The following NUMB variants were observed in gnomAD, a reference collection of about 807,000 sequenced individuals.
NUMB encodes protein numb homolog.
In NUMB, 29 loss-of-function variants were observed where a neutral mutation model predicts 59.7. The observed-to-expected ratio is 0.49, with a 90% confidence interval of 0.36 to 0.66. The LOEUF (loss-of-function observed/expected upper bound fraction) is 0.66, where lower values mean the gene tolerates loss of function less well. NUMB is among the 30% of genes least tolerant of loss of function. The pLI is 0.00. For missense variants in NUMB, 723 were observed against 822.0 expected (o/e 0.88, Z 1.47); for synonymous variants, 288 against 288.2 (o/e 1.00, Z 0.01).
At chr14:73,424,131 A>C (rs549104693) in intron 1 of NUMB, among the ~76,000 whole-genome samples, 14 of 152,160 alleles carry the variant, frequency 9.2e-5, no homozygotes, top group South Asian at 2.1e-4. Flanking sequence ...CTCTCTCTCT[A>C]TATATAGAAT....
In NUMB at chr14:73,336,723, T is replaced by C. The variant is rs571105992; in HGVS notation, c.127-13519A>G. ...AATACAAAATTTCACAAGGGCATTA[T>C]TACAAGAAAGGAAACTTTACAGGCC... On this transcript the variant is annotated intron_variant, in intron 4 of 12. Transcript: ENST00000555238. Among the ~76,000 whole-genome samples the C allele has an allele frequency of 2.6e-5, 4 of 152,260 alleles. No homozygotes were observed. In the East Asian group the frequency reaches 7.7e-4, roughly 29 times the overall value.
chr14:73,420,449 T>C (rs914735709), intron 1 of NUMB, among the ~76,000 whole-genome samples: 2 of 152,210 alleles, frequency 1.3e-5, no homozygotes, highest in Non-Finnish European at 2.9e-5. Flanking sequence ...TTCACATTTT[T>C]TTTTCAACTG....
chr14:73,411,419 TAA>T (rs147455184), intron 1 of NUMB, among the ~76,000 whole-genome samples: 9,218 of 152,124 alleles, frequency 0.061, 707 homozygotes, highest in African/African-American at 0.16. Flanking sequence ...TAAGATGCTA[TAA>T]GAGGCCAATC....
In NUMB at chr14:73,351,825, A is replaced by C. The variant is rs540840286; in HGVS notation, c.126+3801T>G. On this transcript the variant is annotated intron_variant, in intron 4 of 12. Transcript: ENST00000555238. ...CCCCGTCTCTACTAAAAATACAAAA[A>C]ATTAGCCAGGTGTGGTGGCAGGCGC... 3.9e-3 allele frequency among the ~76,000 whole-genome samples: 599 copies of C among 151,758 alleles called. 2 individuals are homozygous for C. The highest frequency in any genetic ancestry group is 6.5e-3 in the Non-Finnish European group (443 of 67,898).
chr14:73,335,302 C>CAAAAAAAAAAAAA (rs10556271), intron 4 of NUMB, among the ~76,000 whole-genome samples: 3 of 100,240 alleles, frequency 3.0e-5, no homozygotes, highest in Non-Finnish European at 4.0e-5. Flanking sequence ...GCCAAAAAGA[C>CAAAAAAAAAAAAA]AAAAAAAAAA....
At chr14:73,331,593 A>G (rs551940788) in intron 4 of NUMB, among the ~76,000 whole-genome samples, 1 of 152,234 alleles carries the variant, frequency 6.6e-6, no homozygotes, top group South Asian at 2.1e-4. Context: ...GATATGGTTT[A>G]GCTCTGTGTT....
chr14:73,287,525 G>A (rs1490860328), intron 8 of NUMB, among the ~76,000 whole-genome samples: 4 of 151,650 alleles, frequency 2.6e-5, no homozygotes, highest in African/African-American at 9.7e-5. Flanking sequence ...CTACAATCAC[G>A]CACCACCACA....
intron 2 of NUMB, among the ~76,000 whole-genome samples, chr14:73,395,487 G>A (rs571931345): frequency 6.6e-6 from 1 of 152,152 alleles, no homozygotes; most frequent in African/African-American, 2.4e-5. Context: ...GCCTGGCAGT[G>A]GTGTGTCCCT....
In NUMB at chr14:73,314,238, A is replaced by C. The variant is rs540990918; in HGVS notation, c.234+2152T>G. Among the ~76,000 whole-genome samples, 9 of 152,264 alleles carry C rather than the reference A, an allele frequency of 5.9e-5. No individual in the cohort carries two copies. The East Asian group carries it at 1.7e-3, about 29-fold the overall frequency. On this transcript the variant is annotated intron_variant, in intron 6 of 12. Coordinates refer to ENST00000555238, the MANE Select transcript of NUMB (RefSeq NM_001005743.2). Reference sequence around the variant, plus strand: ...GTGATTATACAGCACAATGATTAAGAGTGTGGGCTCTGAAGTCAGATTATT... The same window carrying C: ...GTGATTATACAGCACAATGATTAAGCGTGTGGGCTCTGAAGTCAGATTATT...
chr14:73,295,387 A>T (rs1285057550), intron 7 of NUMB, among the ~76,000 whole-genome samples: 6 of 152,246 alleles, frequency 3.9e-5, no homozygotes, highest in African/African-American at 1.4e-4. Flanking sequence ...GTAAGTAGCC[A>T]CAAGGGGGCA....
chr14:73,429,807 G>A (rs910141784), intron 1 of NUMB, among the ~76,000 whole-genome samples: 2 of 152,076 alleles, frequency 1.3e-5, no homozygotes, highest in Admixed American at 6.5e-5. Flanking sequence ...GCTGGATGTG[G>A]TGGCACATGC....
chr14:73,360,427 G>A (rs780204898), intron 3 of NUMB, among the ~76,000 whole-genome samples: 6 of 152,054 alleles, frequency 3.9e-5, no homozygotes, highest in Admixed American at 2.0e-4. Flanking sequence ...GTGTGGTGGC[G>A]GGCACCTTGT....
chr14:73,375,513 T>C (rs748586259), intron 2 of NUMB, among the ~76,000 whole-genome samples: 2 of 152,204 alleles, frequency 1.3e-5, no homozygotes, highest in Non-Finnish European at 1.5e-5. Context: ...TTAAATTCCA[T>C]ATTGCTATGC....
chr14:73,401,532 C>T (rs946786407), intron 2 of NUMB, among the ~76,000 whole-genome samples: 15 of 150,398 alleles, frequency 1.0e-4, no homozygotes, highest in Admixed American at 4.7e-4. Flanking sequence ...ATGTGTACAA[C>T]GGAAACCACT....
chr14:73,416,058 A>G (rs539934271), intron 1 of NUMB, among the ~76,000 whole-genome samples: 10 of 152,304 alleles, frequency 6.6e-5, no homozygotes, highest in Admixed American at 5.9e-4. Flanking sequence ...CCCTATAGAT[A>G]AACATTTAAT....
chr14:73,419,502 C>T (rs2140148526), intron 1 of NUMB, among the ~76,000 whole-genome samples: 1 of 151,976 alleles, frequency 6.6e-6, no homozygotes, highest in South Asian at 2.1e-4. Context: ...GAGCGAGACT[C>T]CATCACAAAA....
rs909695190 is a variant in NUMB at position 73,406,912 on chromosome 14, A to G, written c.-101+3025T>C. Among the ~76,000 whole-genome samples the G allele has an allele frequency of 2.0e-5, 3 of 152,094 alleles. No individual in the cohort carries two copies. The East Asian group carries it at 5.8e-4, about 29-fold the overall frequency. ...GTCTTCTTTTGAGAAGTGTCTGTTC[A>G]TATCCTTCGCCCACTTTTTGATGGG... On this transcript the variant is annotated intron_variant, in intron 2 of 12. Coordinates refer to ENST00000555238, the MANE Select transcript of NUMB (RefSeq NM_001005743.2).
intron 2 of NUMB, among the ~76,000 whole-genome samples, chr14:73,387,041 C>T (rs1001425816): frequency 4.0e-5 from 6 of 150,828 alleles, no homozygotes; most frequent in Non-Finnish European, 7.4e-5. Flanking sequence ...CCACTACGCC[C>T]GGCTAATTTT....
chr14:73,302,124 G>C (rs1343766295), intron 6 of NUMB, among the ~76,000 whole-genome samples: 2 of 151,996 alleles, frequency 1.3e-5, no homozygotes, highest in East Asian at 3.9e-4. Flanking sequence ...TTTTGAGATA[G>C]GCCTTAATAA....
Sources: gnomAD v4.1 joint callset for allele counts (sites outside exome capture counted in the v4.1 genomes callset) on GRCh38, gnomAD v4.1.1 for gene constraint, MANE v1.5 for transcripts, NCBI Gene and HGNC (gene_info 2026-07-23, HGNC 2026-07-21) for gene names.